ADGRG6: variants seen among roughly 807,000 people sequenced by gnomAD.
ADGRG6 encodes G-protein coupled receptor 126.
In ADGRG6, 84 loss-of-function variants were observed where a neutral mutation model predicts 142.4. The ratio of observed to expected loss-of-function variants is 0.59; its 90% confidence interval spans 0.49 to 0.71. The LOEUF (loss-of-function observed/expected upper bound fraction) is 0.71. Among genes scored for constraint, ADGRG6 ranks in the 30% least tolerant of loss-of-function variants. The pLI, the probability that ADGRG6 is intolerant of heterozygous loss-of-function variation, is 0.00. For missense variants in ADGRG6, 1,367 were observed against 1,466.6 expected (o/e 0.93, Z 1.11); for synonymous variants, 521 against 520.5 (o/e 1.00, Z -0.01).
intron 2 of ADGRG6, among the ~76,000 whole-genome samples, chr6:142,353,440 C>T (rs1371513150): frequency 1.3e-5 from 2 of 152,036 alleles, no homozygotes; most frequent in Non-Finnish European, 2.9e-5. Context: ...CCCAGCCTTT[C>T]CCTGAAATCT....
At chr6:142,377,597 C>A (rs886098232) in intron 4 of ADGRG6, among the ~76,000 whole-genome samples, 1 of 152,172 alleles carries the variant, frequency 6.6e-6, no homozygotes, top group South Asian at 2.1e-4. Context: ...TTTCTGGTAG[C>A]CTCGAAAATC....
chr6:142,406,440 G>A (rs1008196430), intron 15 of ADGRG6, among the ~76,000 whole-genome samples: 4 of 152,194 alleles, frequency 2.6e-5, no homozygotes, highest in Non-Finnish European at 4.4e-5. Flanking sequence ...TCGAGAGCAG[G>A]TTCGCTGGGC....
intron 2 of ADGRG6, among the ~76,000 whole-genome samples, chr6:142,364,904 C>G (rs73580430): frequency 0.015 from 2,291 of 152,142 alleles, 53 homozygotes; most frequent in African/African-American, 0.052. Flanking sequence ...TAAACCCTTT[C>G]TTCAGGTCTT....
At chr6:142,355,178 A>G (rs1314901295) in intron 2 of ADGRG6, among the ~76,000 whole-genome samples, 3 of 152,082 alleles carry the variant, frequency 2.0e-5, no homozygotes, top group Non-Finnish European at 4.4e-5. Context: ...CTTTGTATTT[A>G]TATTGAAATT....
chr6:142,312,865 A>C (rs530615195), intron 2 of ADGRG6, among the ~76,000 whole-genome samples: 1 of 152,286 alleles, frequency 6.6e-6, no homozygotes, highest in East Asian at 1.9e-4. Flanking sequence ...GCAGTGCCTC[A>C]AAACAATGTG....
Position 142,318,279 on chromosome 6 carries a change from A to ATATATATTTATTATATATATTTATAT in ADGRG6, c.103+8646_103+8647insTATATATATTTATATTATATATTTAT, listed in dbSNP as rs1562307726. 2.3e-3 allele frequency among the ~76,000 whole-genome samples: 126 copies of ATATATATTTATTATATATATTTATAT among 55,212 alleles called. 1 individual carries two copies. The highest frequency in any genetic ancestry group is 0.015 in the African/African-American group (119 of 8,170). The allele number at this position is 55,212 out of a possible 152,430, so 36.2% of individuals were successfully genotyped here. On this transcript the variant is annotated intron_variant, in intron 2 of 24. Transcript: ENST00000367609. ...TATATTTATTATATATATTTATATT[A>ATATATATTTATTATATATATTTATAT]TATATATTTATATATTATATATATT...
At chr6:142,406,699 A>G (rs1171262282) in intron 15 of ADGRG6, among the ~76,000 whole-genome samples, 1 of 152,222 alleles carries the variant, frequency 6.6e-6, no homozygotes, top group African/African-American at 2.4e-5. Flanking sequence ...AACCAGCTCT[A>G]TACAAATTTG....
intron 2 of ADGRG6, among the ~76,000 whole-genome samples, chr6:142,323,673 G>T (rs985580896): frequency 6.6e-6 from 1 of 152,148 alleles, no homozygotes; most frequent in African/African-American, 2.4e-5. Flanking sequence ...CTCCTACGCA[G>T]ATGGTATAGC....
In ADGRG6 at chr6:142,394,913, A is replaced by G. The variant is rs931087479; in HGVS notation, c.1424+955A>G. On this transcript the variant is annotated intron_variant, in intron 9 of 24. Coordinates refer to ENST00000367609, the MANE Select transcript of ADGRG6 (RefSeq NM_198569.3). ...TCTGGCCTCCATACAATTTTTTAAA[A>G]ATTTGTTGTGAAGCAAAAGTTTCTA... is the stretch of plus-strand genomic sequence containing the variant. 5.3e-5 allele frequency among the ~76,000 whole-genome samples: 8 copies of G among 152,102 alleles called. 1 individual carries two copies. The highest frequency in any genetic ancestry group is 3.9e-4 in the Admixed American group (6 of 15,262).
At chr6:142,374,798 A>G (rs1308356635) in intron 4 of ADGRG6, among the ~76,000 whole-genome samples, 2 of 152,230 alleles carry the variant, frequency 1.3e-5, no homozygotes, top group African/African-American at 4.8e-5. Flanking sequence ...ATTGATTGAT[A>G]AGAACTATAT....
intron 2 of ADGRG6, among the ~76,000 whole-genome samples, chr6:142,348,628 G>GC (rs1007085265): frequency 2.1e-5 from 3 of 143,134 alleles, no homozygotes; most frequent in African/African-American, 7.6e-5. Flanking sequence ...GTGAGGGGTG[G>GC]TTTTTTTTTT....
intron 22 of ADGRG6, among the ~76,000 whole-genome samples, chr6:142,434,684 T>C (rs998312190): frequency 2.0e-5 from 3 of 152,084 alleles, no homozygotes; most frequent in African/African-American, 7.2e-5. Context: ...GTCAGTACTT[T>C]CATAGTGGCA....
chr6:142,341,466 A>AGT (rs1221053033), intron 2 of ADGRG6, among the ~76,000 whole-genome samples: 1 of 119,270 alleles, frequency 8.4e-6, no homozygotes, highest in African/African-American at 3.3e-5. Context: ...TAGTATATAT[A>AGT]ATATTATGTA....
At chr6:142,356,552 C>A (rs747150504) in intron 2 of ADGRG6, among the ~76,000 whole-genome samples, 2 of 152,206 alleles carry the variant, frequency 1.3e-5, no homozygotes, top group Non-Finnish European at 2.9e-5. Flanking sequence ...CTATACAGGG[C>A]ACTCCTTTCC....
intron 22 of ADGRG6, among the ~76,000 whole-genome samples, chr6:142,431,287 G>A (rs528648787): frequency 1.3e-5 from 2 of 152,146 alleles, no homozygotes; most frequent in East Asian, 3.9e-4. Flanking sequence ...TTATCAAGCT[G>A]AAGAAACTTA....
rs2294767 is a variant in ADGRG6 at position 142,414,107 on chromosome 6, A to G, written c.2542-862A>G. Among the ~76,000 whole-genome samples the G allele has an allele frequency of 7.9e-4, 120 of 152,208 alleles. 2 individuals are homozygous for G. The East Asian group carries it at 0.023, about 29-fold the overall frequency. ...CTGTAAGAACACTCCATTTTTTAAC[A>G]TCTACATAAAGGAGGTACTTTTCTC... On this transcript the variant is annotated intron_variant, in intron 18 of 24. Coordinates refer to ENST00000367609, the MANE Select transcript of ADGRG6 (RefSeq NM_198569.3).
intron 2 of ADGRG6, among the ~76,000 whole-genome samples, chr6:142,331,714 T>C (rs1316761415): frequency 3.3e-5 from 5 of 150,978 alleles, no homozygotes; most frequent in Admixed American, 2.7e-4. Context: ...TTGCCTTCTC[T>C]GTTTTTTTTG....
Position 142,337,087 on chromosome 6 carries a change from TG to T in ADGRG6, c.103+27445del, listed in dbSNP as rs576713901. Among the ~76,000 whole-genome samples, 60 of 152,322 alleles carry T rather than the reference TG, an allele frequency of 3.9e-4. No homozygotes were observed. In the East Asian group the frequency reaches 7.5e-3, roughly 19 times the overall value. ...TCAACAGGGGCAGTTTTTTCTCTTT[TG>T]GAATAAATTTCACAGGTACTCCATC... On this transcript the variant is annotated intron_variant, in intron 2 of 24. Coordinates refer to ENST00000367609, the MANE Select transcript of ADGRG6 (RefSeq NM_198569.3).
intron 4 of ADGRG6, among the ~76,000 whole-genome samples, chr6:142,374,566 A>G (rs1781407370): frequency 6.6e-6 from 1 of 151,328 alleles, no homozygotes; most frequent in African/African-American, 2.4e-5. Context: ...TATTCTTCCC[A>G]CTCCAGCCCC....
Sources: gnomAD v4.1 joint callset for allele counts (sites outside exome capture counted in the v4.1 genomes callset) on GRCh38, gnomAD v4.1.1 for gene constraint, MANE v1.5 for transcripts, NCBI Gene and HGNC (gene_info 2026-07-23, HGNC 2026-07-21) for gene names.